The following RAB3GAP2 variants were observed in gnomAD, a reference collection of about 807,000 sequenced individuals.
The protein encoded by RAB3GAP2 is rab3 GTPase-activating protein non-catalytic subunit.
A neutral mutation model predicts 185.3 loss-of-function variants in RAB3GAP2; 87 were observed. The ratio of observed to expected loss-of-function variants is 0.47; its 90% CI spans 0.39 to 0.56. The LOEUF (loss-of-function observed/expected upper bound fraction) is 0.56, where lower values mean the gene tolerates loss of function less well. Ranked by LOEUF, RAB3GAP2 falls within the 20% of genes least tolerant of loss-of-function variation. The pLI, the probability that RAB3GAP2 is intolerant of heterozygous loss-of-function variation, is 0.00. For missense variants in RAB3GAP2, 1,492 were observed against 1,638.2 expected (o/e 0.91, Z 1.54); for synonymous variants, 554 against 576.1 (o/e 0.96, Z 0.55).
chr1:220,190,848 C>A (rs1658602804), intron 14 of RAB3GAP2, among the ~76,000 whole-genome samples: 1 of 151,928 alleles, frequency 6.6e-6, no homozygotes, highest in Non-Finnish European at 1.5e-5. Flanking sequence ...TAGCAACAAG[C>A]TAACTTTAAT....
intron 21 of RAB3GAP2, among the ~76,000 whole-genome samples, chr1:220,177,071 T>C (rs1658305639): frequency 6.6e-6 from 1 of 152,258 alleles, no homozygotes; most frequent in Non-Finnish European, 1.5e-5. Context: ...CATCCACCTG[T>C]GCAGACACCT....
rs1259880720 is a variant in RAB3GAP2 at position 220,191,227 on chromosome 1, ACT to A, written c.1326_1327del (p.Arg442SerfsTer43). On this transcript the variant is annotated frameshift_variant, in exon 14 of 35. Transcript: ENST00000358951. LOFTEE classifies it high-confidence loss of function. Reference sequence around the variant, plus strand: ...GGGGGAAAAATCTGCCTTTTCTGGCACTCTTTCATGGAGGTCCTCTACAGTTT... The same window carrying A: ...GGGGGAAAAATCTGCCTTTTCTGGCACTTTCATGGAGGTCCTCTACAGTTT... 6.2e-7 allele frequency: 1 copy of A among 1,613,560 alleles called. No individual in the cohort carries two copies. Among genetic ancestry groups the A allele is most frequent in the Non-Finnish European group, 8.5e-7 (1 of 1,179,904 alleles).
intron 1 of RAB3GAP2, among the ~76,000 whole-genome samples, chr1:220,243,771 T>A (rs1659744149): frequency 1.3e-5 from 2 of 152,228 alleles, no homozygotes; most frequent in Admixed American, 1.3e-4. Flanking sequence ...GCTATAGAGC[T>A]ATACAGAAAA....
At chr1:220,202,795 G>T (rs1457574688) in intron 8 of RAB3GAP2, among the ~76,000 whole-genome samples, 2 of 151,900 alleles carry the variant, frequency 1.3e-5, no homozygotes, top group Non-Finnish European at 2.9e-5. Flanking sequence ...ATACAAAAAT[G>T]AGCCAGGCGT....
At chr1:220,208,187 G>C (rs981979101) in intron 7 of RAB3GAP2, 2 of 152,262 alleles carry the variant, frequency 1.3e-5, no homozygotes, top group Middle Eastern at 3.4e-3. Context: ...GAGTATTACA[G>C]ACATGACCAA....
At chr1:220,171,179 A>AT in intron 23 of RAB3GAP2, 59 bp from the exon 24 acceptor site, 1 of 1,474,402 alleles carries the variant, frequency 6.8e-7, no homozygotes, top group East Asian at 2.3e-5. Context: ...ATTAACTTGA[A>AT]TGAGCTTTTA....
chr1:220,261,214 C>CT (rs1039583625), intron 1 of RAB3GAP2, among the ~76,000 whole-genome samples: 2 of 152,068 alleles, frequency 1.3e-5, no homozygotes, highest in African/African-American at 4.8e-5. Context: ...TTTCTGGTCT[C>CT]TTTTTTAAAG....
Position 220,148,919 on chromosome 1 carries a change from A to G in RAB3GAP2, c.*2332T>C, listed in dbSNP as rs948037341. ...ATTATACAATATAATTTAATAAGATACAAATGCATATTTAATGTTTGTTAA... is the reference window on the plus strand; with the variant it reads ...ATTATACAATATAATTTAATAAGATGCAAATGCATATTTAATGTTTGTTAA... On this transcript the variant is annotated 3_prime_UTR_variant, in exon 35 of 35. Coordinates refer to ENST00000358951, the MANE Select transcript of RAB3GAP2 (RefSeq NM_012414.4). 6.6e-6 allele frequency: 1 copy of G among 152,222 alleles called. No individual in the cohort carries two copies. Among genetic ancestry groups the G allele is most frequent in the Non-Finnish European group, 1.5e-5 (1 of 68,026 alleles). 9.4% of individuals were successfully genotyped at this position (152,222 alleles called of 1,614,324 possible).
intron 7 of RAB3GAP2, 120 bp from the exon 8 acceptor site, chr1:220,206,126 C>T: frequency 4.6e-6 from 3 of 647,232 alleles, no homozygotes; most frequent in Non-Finnish European, 8.0e-6. Context: ...CAATATCAGG[C>T]AGAAGAACAG....
Position 220,248,965 on chromosome 1 carries a change from C to T in RAB3GAP2, c.116-16102G>A, listed in dbSNP as rs543243295. On this transcript the variant is annotated intron_variant, in intron 1 of 34. Transcript: ENST00000358951. ...ATTTCCTGAGGCCTCCCCAGCCAGG[C>T]TCAACTGAGTCAGTTAAACTTCTTT... Among the ~76,000 whole-genome samples, 14 of 152,344 alleles carry T rather than the reference C, an allele frequency of 9.2e-5. No individual in the cohort carries two copies. In the South Asian group the frequency reaches 2.9e-3, roughly 32 times the overall value.
In RAB3GAP2 at chr1:220,153,341, G is replaced by A. The variant is rs1258860230; in HGVS notation, c.3711C>T (p.Pro1237=). The stretch of plus-strand genomic sequence containing the variant: ...AAGGAGTGGGTGTGGCCTCTTCTGT[G>A]GGATCTTTGACCTTTGTGGCTGAAT... ...AQHSATKVKD[P]TEEATPTPFG... is the part of the protein sequence containing the mutation. Residue 1237 remains proline (P), a synonymous_variant, in exon 33 of 35, where the codon CCC becomes CCT. Coordinates refer to ENST00000358951, the MANE Select transcript of RAB3GAP2 (RefSeq NM_012414.4). The A allele has an allele frequency of 6.2e-7, 1 of 1,614,114 alleles. No individual in the cohort carries two copies. Among genetic ancestry groups the A allele is most frequent in the East Asian group, 2.2e-5 (1 of 44,882 alleles).
intron 8 of RAB3GAP2, among the ~76,000 whole-genome samples, chr1:220,205,171 T>C (rs1658940488): frequency 6.6e-6 from 1 of 152,176 alleles, no homozygotes; most frequent in Non-Finnish European, 1.5e-5. Flanking sequence ...TTACAATCAA[T>C]GGCATGTTGA....
At position 220,252,690 on chromosome 1, in the gene RAB3GAP2, T is replaced by C. The variant is rs76981691; in HGVS notation, c.115+19533A>G. 2.2e-4 allele frequency among the ~76,000 whole-genome samples: 33 copies of C among 149,004 alleles called. No individual in the cohort carries two copies. In the East Asian group the frequency reaches 6.6e-3, roughly 30 times the overall value. ...CACACTTCTCCCATGGATCTTTGCA[T>C]AGATCTTTCCATGGATCAGGAGATC... On this transcript the variant is annotated intron_variant, in intron 1 of 34. Transcript: ENST00000358951.
chr1:220,239,256 G>A (rs1659648077), intron 1 of RAB3GAP2, among the ~76,000 whole-genome samples: 1 of 152,072 alleles, frequency 6.6e-6, no homozygotes, highest in Admixed American at 6.5e-5. Context: ...GGAGGGACAA[G>A]GTCTAGCTCT....
chr1:220,253,619 T>G, intron 1 of RAB3GAP2: 3 of 1,577,760 alleles, frequency 1.9e-6, no homozygotes, highest in Non-Finnish European at 2.6e-6. Context: ...GGTGAGCGAG[T>G]GCTGTGCTTT....
intron 1 of RAB3GAP2, among the ~76,000 whole-genome samples, chr1:220,252,386 A>C (rs1395830362): frequency 6.6e-6 from 1 of 152,192 alleles, no homozygotes; most frequent in Non-Finnish European, 1.5e-5. Context: ...AAAGTCTGAA[A>C]GAAGTCTCAG....
intron 1 of RAB3GAP2, among the ~76,000 whole-genome samples, chr1:220,261,121 T>C (rs568897709): frequency 1.3e-5 from 2 of 152,174 alleles, no homozygotes; most frequent in Non-Finnish European, 2.9e-5. Context: ...CTTGACCTGA[T>C]GAGATTCTCT....
At chr1:220,267,458 G>A in intron 1 of RAB3GAP2, 2 of 1,394,644 alleles carry the variant, frequency 1.4e-6, no homozygotes, top group Non-Finnish European at 2.0e-6. Flanking sequence ...AACTTGCTTT[G>A]TTTTTCTCTT....
rs572027376 is a variant in RAB3GAP2, at chr1:220,206,019, TAA to T, written c.613-15_613-14del. The T allele has an allele frequency of 1.9e-5, 23 of 1,227,280 alleles. No homozygotes were observed. Among genetic ancestry groups the T allele is most frequent in the African/African-American group, 9.6e-5 (6 of 62,732 alleles). 76.0% of individuals were successfully genotyped at this position (1,227,280 alleles called of 1,614,324 possible). A position where few individuals can be genotyped will look rare whatever the true frequency, so the allele number is the denominator to read the frequency against. ...TCAACTCTTCATTCTATTTAAGAAA[TAA>T]AAAAAAAAAGTTCTTGAATAGATAA... On this transcript the variant is annotated splice_polypyrimidine_tract_variant and intron_variant, in intron 7 of 34. Transcript: ENST00000358951.
Sources: gnomAD v4.1 joint callset for allele counts (sites outside exome capture counted in the v4.1 genomes callset) on GRCh38, gnomAD v4.1.1 for gene constraint, MANE v1.5 for transcripts, NCBI Gene and HGNC (gene_info 2026-07-23, HGNC 2026-07-21) for gene names.